Variants in PARP1 observed in about 807,000 individuals in gnomAD.
PARP1 encodes poly(ADP-ribose) polymerase 1.
A neutral mutation model predicts 118.7 loss-of-function variants in PARP1; 44 were observed. The ratio of observed to expected loss-of-function variants is 0.37; its 90% CI spans 0.29 to 0.48. PARP1 has a LOEUF of 0.48. Ranked by LOEUF, PARP1 falls within the 20% of genes least tolerant of loss-of-function variation. The pLI, the probability that PARP1 is intolerant of heterozygous loss-of-function variation, is 0.99. For synonymous variants in PARP1, 492 were observed against 483.2 expected (o/e 1.02, Z -0.24); for missense variants, 1,100 against 1,272.4 (o/e 0.86, Z 2.06).
In PARP1 at chr1:226,402,330, AAGC is replaced by A; in HGVS notation, c.167_169del (p.Cys56del). 6.2e-7 allele frequency: 1 copy of A among 1,613,988 alleles called. No individual in the cohort carries two copies. The highest frequency in any genetic ancestry group is 8.5e-7 in the Non-Finnish European group (1 of 1,180,040). On this transcript the variant is annotated inframe_deletion, in exon 2 of 23. Transcript: ENST00000366794. ...CCGGATGGAGTGGCCCACCTTCCAG[AAGC>A]AGGAGAAGTGGTACCAGTGTGGGAC...
intron 8 of PARP1, among the ~76,000 whole-genome samples, chr1:226,382,436 T>C (rs3219066): frequency 0.023 from 3,430 of 152,296 alleles, 78 homozygotes; most frequent in South Asian, 0.1. Flanking sequence ...CAGGAGACCC[T>C]GCGCCCAACT....
intron 2 of PARP1, among the ~76,000 whole-genome samples, chr1:226,399,788 A>G (rs1437454321): frequency 3.9e-5 from 6 of 152,186 alleles, no homozygotes. Context: ...GGCGATGTTG[A>G]TTGTGGACAA....
chr1:226,392,269 C>T lies in PARP1; in HGVS notation c.332G>A (p.Gly111Asp). The change falls in exon 3 of 23, where the codon GGT becomes GAT. Residue 111 changes from glycine (G) to aspartate (D), a missense_variant. Physicochemically the swap from Gly to Asp is moderately conservative, Grantham distance 94. Transcript: ENST00000366794. Reference sequence around the variant, plus strand: ...CTTGGCATACTCTGCTGCAAAGTCACCCAGAGTCTTCTCTGCCTTGCTACC... The same window carrying T: ...CTTGGCATACTCTGCTGCAAAGTCATCCAGAGTCTTCTCTGCCTTGCTACC... ...GIGSKAEKTL[G>D]DFAAEYAKSN... 6.2e-7 allele frequency: 1 copy of T among 1,614,144 alleles called. No homozygotes were observed. Among genetic ancestry groups the T allele is most frequent in the Non-Finnish European group, 8.5e-7 (1 of 1,179,992 alleles).
chr1:226,363,425 A>C (rs549275489), intron 20 of PARP1, among the ~76,000 whole-genome samples: 1 of 152,292 alleles, frequency 6.6e-6, no homozygotes, highest in Non-Finnish European at 1.5e-5. Flanking sequence ...GGTGGTCAGC[A>C]GCTCTAGGTT....
At chr1:226,361,890 G>A (rs1297593966) in intron 22 of PARP1, 79 bp downstream of exon 22, 4 of 867,920 alleles carry the variant, frequency 4.6e-6, no homozygotes, top group Admixed American at 3.8e-5. Flanking sequence ...TCTGCCCCAG[G>A]TAATCTGACA....
rs1183257937 is a variant in PARP1, at chr1:226,368,333, G to C, written c.2155-12C>G. On this transcript the variant is annotated splice_polypyrimidine_tract_variant and intron_variant, in intron 15 of 22. Transcript: ENST00000366794. ...CCCTGAGACACCGCCTGGAGAGGAG[G>C]GGACAGAAGGAATGCAAGACTGAGG... 1 of 1,614,060 alleles carries C rather than the reference G, an allele frequency of 6.2e-7. No homozygotes were observed. Among genetic ancestry groups the C allele is most frequent in the Non-Finnish European group, 8.5e-7 (1 of 1,180,014 alleles).
chr1:226,383,039 C>T lies in PARP1; in HGVS notation c.1156G>A (p.Ala386Thr). 1 of 1,612,802 alleles carries T rather than the reference C, an allele frequency of 6.2e-7. No individual in the cohort carries two copies. The highest frequency in any genetic ancestry group is 1.1e-5 in the South Asian group (1 of 91,020). The change falls in exon 8 of 23, where the codon GCA becomes ACA. Residue 386 changes from alanine to threonine, a missense_variant. Ala to Thr is a moderately conservative substitution (Grantham distance 58). Coordinates refer to ENST00000366794, the MANE Select transcript of PARP1 (RefSeq NM_001618.4). ...ACCGGGGTCCCAAATGCTGTACCTG[C>T]TGAAGCAGAGGAGTTCACAGCAGCA... ...APAAVNSSAS[A>T]DKPLSNMKIL...
At chr1:226,402,132 T>C (rs1805407) in intron 2 of PARP1, 82 bp downstream of exon 2, 294,021 of 1,611,598 alleles carry the variant, frequency 0.18, 29,571 homozygotes, top group African/African-American at 0.4. Context: ...TGGGGGAGGT[T>C]TGCTTTGCTC....
At chr1:226,398,121 A>AAC (rs1664961938) in intron 2 of PARP1, among the ~76,000 whole-genome samples, 1 of 151,826 alleles carries the variant, frequency 6.6e-6, no homozygotes, top group Non-Finnish European at 1.5e-5. Context: ...GACTTTTTAC[A>AAC]AACACCAAAA....
chr1:226,385,658 C>A lies in PARP1; in HGVS notation c.857G>T (p.Gly286Val). The A allele has an allele frequency of 6.2e-7, 1 of 1,614,160 alleles. No individual in the cohort carries two copies. Among genetic ancestry groups the A allele is most frequent in the Non-Finnish European group, 8.5e-7 (1 of 1,180,018 alleles). Residue 286 changes from glycine (G) to valine (V), a missense_variant, in exon 7 of 23, where the codon GGC (glycine) becomes GTC (valine). Coordinates refer to ENST00000366794, the MANE Select transcript of PARP1 (RefSeq NM_001618.4). The stretch of plus-strand genomic sequence containing the variant: ...GGGAAGGAGGGCACCGAACACCATG[C>A]CATCAGCTACTCGGTCCAAGATCTG... ...ESAILDRVAD[G>V]MVFGALLPCE...
At chr1:226,402,778 GC>G (rs1665062735) in intron 1 of PARP1, among the ~76,000 whole-genome samples, 1 of 152,264 alleles carries the variant, frequency 6.6e-6, no homozygotes, top group Non-Finnish European at 1.5e-5. Flanking sequence ...CAATCCTGCA[GC>G]ATCTGCTGGG....
chr1:226,407,728 G>GGCCCCCC, intron 1 of PARP1, 82 bp downstream of exon 1: 2 of 1,289,834 alleles, frequency 1.6e-6, no homozygotes, highest in Non-Finnish European at 2.1e-6. Context: ...CGCTCCCTGG[G>GGCCCCCC]CCCGCCCTCC....
rs2102732229 is a variant in PARP1, at chr1:226,374,250, C to T, written c.2046G>A (p.Met682Ile). 1 of 1,614,192 alleles carries T rather than the reference C, an allele frequency of 6.2e-7. No individual in the cohort carries two copies. Among genetic ancestry groups the T allele is most frequent in the Non-Finnish European group, 8.5e-7 (1 of 1,180,026 alleles). ...LIKMIFDVES[M>I]KKAMVEYEID... ...CCTCATACTCCACCATGGCTTTCTT[C>T]ATACTTTCCACATCAAAGATCATCT... is the stretch of plus-strand genomic sequence containing the variant. The change falls in exon 14 of 23, where the codon ATG (methionine) becomes ATA (isoleucine). Residue 682 changes from methionine to isoleucine, a missense_variant. Met to Ile is a conservative substitution (Grantham distance 10). Around this residue, in one of 2 missense-constraint regions of PARP1, gnomAD observed 948 missense variants for 1,031.8 expected, o/e 0.92. Coordinates refer to ENST00000366794, the MANE Select transcript of PARP1 (RefSeq NM_001618.4).
At chr1:226,380,966 C>A in intron 9 of PARP1, 102 bp downstream of exon 9, 1 of 1,314,986 alleles carries the variant, frequency 7.6e-7, no homozygotes, top group Non-Finnish European at 1.1e-6. Flanking sequence ...TGTTAAGATC[C>A]AGTTTTTCAG....
At chr1:226,379,105 T>G (rs775727127) in intron 12 of PARP1, 37 bp downstream of exon 12, 2 of 1,613,466 alleles carry the variant, frequency 1.2e-6, no homozygotes, top group Non-Finnish European at 1.7e-6. Flanking sequence ...GACGGGCCCA[T>G]GTCTCTGCAC....
chr1:226,373,536 G>A (rs960430013), intron 14 of PARP1, among the ~76,000 whole-genome samples: 7 of 152,158 alleles, frequency 4.6e-5, no homozygotes, highest in Non-Finnish European at 8.8e-5. Flanking sequence ...GGCGGAGAGC[G>A]GAGATGAGAA....
chr1:226,381,809 G>A (rs1664615303), intron 8 of PARP1, among the ~76,000 whole-genome samples: 1 of 152,324 alleles, frequency 6.6e-6, no homozygotes, highest in East Asian at 1.9e-4. Context: ...CAGTGCAGGT[G>A]ACACCCGTCC....
chr1:226,403,280 G>C (rs762911689), intron 1 of PARP1, among the ~76,000 whole-genome samples: 8 of 152,236 alleles, frequency 5.3e-5, no homozygotes, highest in Non-Finnish European at 1.0e-4. Context: ...CTGGGTTCAA[G>C]CGATTCTCCT....
At chr1:226,392,006 G>A (rs1305927895) in intron 3 of PARP1, among the ~76,000 whole-genome samples, 193 bp downstream of exon 3, 7 of 152,186 alleles carry the variant, frequency 4.6e-5, no homozygotes, top group Non-Finnish European at 1.0e-4. Flanking sequence ...GAACTGGACC[G>A]TGATAAGGAG....
Sources: allele counts gnomAD v4.1 joint callset (sites outside exome capture counted in the v4.1 genomes callset), GRCh38; gene constraint gnomAD v4.1.1; regional missense constraint gnomAD v4.1.1; transcripts MANE v1.5; gene names NCBI Gene and HGNC (gene_info 2026-07-23, HGNC 2026-07-21).